Variants in NME7 observed in about 807,000 individuals in gnomAD.
NME7 encodes nucleoside diphosphate kinase 7.
NME7 carries 41 observed loss-of-function variants against 49.1 expected under a neutral mutation model. That is an observed-to-expected ratio of 0.83 (90% CI 0.65 to 1.08). NME7 has a LOEUF of 1.08. Among genes scored for constraint, NME7 ranks in the 50% least tolerant of loss-of-function variants. The pLI, the probability that NME7 is intolerant of heterozygous loss-of-function variation, is 0.00. For synonymous variants in NME7, 139 were observed against 150.6 expected, an observed-to-expected ratio of 0.92 and a Z score of 0.56; for missense variants, 423 against 463.4, an observed-to-expected ratio of 0.91 and a Z score of 0.80.
intron 10 of NME7, among the ~76,000 whole-genome samples, chr1:169,187,359 A>T (rs1660096494): frequency 6.6e-6 from 1 of 152,050 alleles, no homozygotes; most frequent in Non-Finnish European, 1.5e-5. Flanking sequence ...AAAGTCTCCC[A>T]CTATTATTGT....
chr1:169,179,301 A>G (rs1659858255), intron 10 of NME7, among the ~76,000 whole-genome samples: 2 of 152,360 alleles, frequency 1.3e-5, no homozygotes, highest in South Asian at 4.1e-4. Flanking sequence ...TAAAAAGTCA[A>G]AAAACAACAG....
In NME7 at chr1:169,257,359, C is replaced by T. The variant is rs545615371; in HGVS notation, c.755-19672G>A. Among the ~76,000 whole-genome samples the T allele has an allele frequency of 1.5e-5, 2 of 134,522 alleles. 1 individual carries two copies. The highest frequency in any genetic ancestry group is 4.0e-4 in the East Asian group (2 of 5,002). 88.3% of individuals were successfully genotyped at this position (134,522 alleles called of 152,430 possible). Reference sequence around the variant, plus strand: ...CTGTCCGGCATCCCTTTCTTTGACTCAGAAAGGGAACTCCCTGACCCCTTG... The same window carrying T: ...CTGTCCGGCATCCCTTTCTTTGACTTAGAAAGGGAACTCCCTGACCCCTTG... On this transcript the variant is annotated intron_variant, in intron 7 of 11. Coordinates refer to ENST00000367811, the MANE Select transcript of NME7 (RefSeq NM_013330.5).
At chr1:169,209,872 G>C (rs1194272990) in intron 10 of NME7, among the ~76,000 whole-genome samples, 2 of 152,042 alleles carry the variant, frequency 1.3e-5, no homozygotes, top group African/African-American at 4.8e-5. Flanking sequence ...GCCTCTACAG[G>C]CTTCAGAATA....
chr1:169,280,936 A>G (rs7533349), intron 7 of NME7, among the ~76,000 whole-genome samples: 56,978 of 151,524 alleles, frequency 0.38, 11,424 homozygotes, highest in East Asian at 0.78. Context: ...TTGGCTACGC[A>G]GGCTCTTTTT....
chr1:169,202,516 G>GT (rs1378004290), intron 10 of NME7, among the ~76,000 whole-genome samples: 2 of 152,140 alleles, frequency 1.3e-5, no homozygotes, highest in Non-Finnish European at 2.9e-5. Flanking sequence ...TTATAGTAAT[G>GT]TAAGAACAGC....
At chr1:169,316,594 T>A (rs1366528608) in intron 3 of NME7, among the ~76,000 whole-genome samples, 1 of 152,178 alleles carries the variant, frequency 6.6e-6, no homozygotes, top group Non-Finnish European at 1.5e-5. Context: ...CTGGGCCCAA[T>A]CTCATCACAT....
At chr1:169,281,670 T>A (rs1650022096) in intron 7 of NME7, among the ~76,000 whole-genome samples, 1 of 152,350 alleles carries the variant, frequency 6.6e-6, no homozygotes, top group African/African-American at 2.4e-5. Context: ...GAAGGGGTGC[T>A]GAATTTTATT....
Position 169,150,983 on chromosome 1 carries a change from T to C in NME7, c.1099-18166A>G, listed in dbSNP as rs190711749. On this transcript the variant is annotated intron_variant, in intron 11 of 11. Coordinates refer to ENST00000367811, the MANE Select transcript of NME7 (RefSeq NM_013330.5). ...ACTTTTCATGTGTCACAAAATATTA[T>C]TCTACTTTTGATGTTTTTCAACCAT... Among the ~76,000 whole-genome samples the C allele has an allele frequency of 6.7e-3, 1,021 of 152,322 alleles. 7 individuals carry two copies. The highest frequency in any genetic ancestry group is 0.011 in the Non-Finnish European group (778 of 68,032).
chr1:169,270,811 T>A (rs1456721950), intron 7 of NME7, among the ~76,000 whole-genome samples: 1 of 132,854 alleles, frequency 7.5e-6, no homozygotes, highest in African/African-American at 2.5e-5. Context: ...GGAAACAAGG[T>A]AGAAAGAGAT....
intron 3 of NME7, among the ~76,000 whole-genome samples, chr1:169,312,033 A>G (rs1651413773): frequency 6.6e-6 from 1 of 152,248 alleles, no homozygotes; most frequent in African/African-American, 2.4e-5. Flanking sequence ...TGACAAAGAT[A>G]TATCAGTAGT....
At chr1:169,151,925 AT>A (rs1412310432) in intron 11 of NME7, among the ~76,000 whole-genome samples, 3 of 152,134 alleles carry the variant, frequency 2.0e-5, no homozygotes, top group African/African-American at 7.2e-5. Flanking sequence ...CCCATGATAA[AT>A]TTCCAATTTA....
At position 169,348,698 on chromosome 1, in the gene NME7, A is replaced by G. The variant is rs1308638322; in HGVS notation, c.3+19010T>C. On this transcript the variant is annotated intron_variant, in intron 1 of 11. Transcript: ENST00000367811. ...TTTCACAAAGCCATTTCACAAAGCC[A>G]TTTCACAAATACCCTCAATTTTAGC... 3.3e-5 allele frequency among the ~76,000 whole-genome samples: 5 copies of G among 152,086 alleles called. No homozygotes were observed. In the East Asian group the frequency reaches 9.6e-4, roughly 29 times the overall value.
In NME7 at chr1:169,150,763, G is replaced by GAAAAAAAA. The variant is rs10689301; in HGVS notation, c.1099-17954_1099-17947dup. 5.4e-3 allele frequency among the ~76,000 whole-genome samples: 671 copies of GAAAAAAAA among 124,254 alleles called. 5 individuals carry two copies. Among genetic ancestry groups the GAAAAAAAA allele is most frequent in the African/African-American group, 0.018 (602 of 32,950 alleles). The allele number at this position is 124,254 out of a possible 152,430, so 81.5% of individuals were successfully genotyped here. ...ATGATGAGAAGAGAGGCTGGAAAAG[G>GAAAAAAAA]AAAAAAAAAAAAAAAAGAGGAGCAA... is the stretch of plus-strand genomic sequence containing the variant. On this transcript the variant is annotated intron_variant, in intron 11 of 11. Coordinates refer to ENST00000367811, the MANE Select transcript of NME7 (RefSeq NM_013330.5).
intron 7 of NME7, among the ~76,000 whole-genome samples, chr1:169,254,088 A>T (rs1477102393): frequency 1.3e-5 from 2 of 150,258 alleles, no homozygotes; most frequent in African/African-American, 2.4e-5. Context: ...AAAATGAGTT[A>T]GGGAGGATTC....
At chr1:169,279,234 T>C (rs974249046) in intron 7 of NME7, among the ~76,000 whole-genome samples, 15 of 152,204 alleles carry the variant, frequency 9.9e-5, no homozygotes, top group African/African-American at 2.9e-4. Context: ...GACAGGGACA[T>C]TTAAGTCTGC....
chr1:169,202,290 G>C (rs1156581713), intron 10 of NME7, among the ~76,000 whole-genome samples: 1 of 135,874 alleles, frequency 7.4e-6, no homozygotes, highest in Non-Finnish European at 1.6e-5. Context: ...TGATAAGTGA[G>C]CTCTCACTCT....
chr1:169,206,624 G>A (rs1300734301), intron 10 of NME7, among the ~76,000 whole-genome samples: 1 of 151,972 alleles, frequency 6.6e-6, no homozygotes, highest in Non-Finnish European at 1.5e-5. Flanking sequence ...CCTTCTCAAA[G>A]CAATGTTTTT....
chr1:169,155,773 T>C (rs1241038406), intron 11 of NME7, among the ~76,000 whole-genome samples: 1 of 151,948 alleles, frequency 6.6e-6, no homozygotes, highest in Non-Finnish European at 1.5e-5. Context: ...TTTTTTTTTT[T>C]TTTTTGAAAT....
intron 7 of NME7, among the ~76,000 whole-genome samples, chr1:169,249,627 T>C (rs1010442513): frequency 6.6e-6 from 1 of 152,176 alleles, no homozygotes; most frequent in South Asian, 2.1e-4. Context: ...CTGTCATATA[T>C]GGCTTTCATT....
Sources: allele counts gnomAD v4.1 joint callset (sites outside exome capture counted in the v4.1 genomes callset), GRCh38; gene constraint gnomAD v4.1.1; transcripts MANE v1.5; gene names NCBI Gene and HGNC (gene_info 2026-07-23, HGNC 2026-07-21).